Variants in CEP128 observed in about 807,000 individuals in gnomAD.
CEP128 encodes the protein centrosomal protein 128kDa.
In CEP128, 132 loss-of-function variants were observed where a neutral mutation model predicts 156.7. That is an observed-to-expected ratio of 0.84 (90% CI 0.73 to 0.97). The LOEUF is 0.97. CEP128 is among the 50% of genes least tolerant of loss of function. CEP128 has a pLI of 0.00. For synonymous variants in CEP128, 469 were observed against 448.9 expected, an observed-to-expected ratio of 1.04 and a Z score of -0.57; for missense variants, 1,252 against 1,281.9, an observed-to-expected ratio of 0.98 and a Z score of 0.36.
At position 80,907,532 on chromosome 14, in the gene CEP128, C is replaced by T. The variant is rs1332074200; in HGVS notation, c.235-1451G>A. ...AATTAGCCGGGCATGATGGCTGGTG[C>T]CTGTAATCCCAACTACTCGGGAGGC... On this transcript the variant is annotated intron_variant, in intron 4 of 24. Coordinates refer to ENST00000555265, the MANE Select transcript of CEP128 (RefSeq NM_152446.5). 2.0e-5 allele frequency among the ~76,000 whole-genome samples: 3 copies of T among 151,966 alleles called. No individual in the cohort carries two copies. In the South Asian group the frequency reaches 6.2e-4, roughly 32 times the overall value.
chr14:80,742,993 C>T (rs1374546266), intron 19 of CEP128, 82 bp downstream of exon 19: 2 of 1,221,606 alleles, frequency 1.6e-6, no homozygotes, highest in African/African-American at 3.0e-5. Flanking sequence ...GGGGATGCAA[C>T]AGAAGTAGGT....
intron 14 of CEP128, among the ~76,000 whole-genome samples, chr14:80,789,691 A>G (rs1166006261): frequency 6.6e-6 from 1 of 152,178 alleles, no homozygotes; most frequent in African/African-American, 2.4e-5. Flanking sequence ...AAGATTACTG[A>G]AAGAAGGCCT....
At chr14:80,578,029 C>G (rs1891430897) in intron 20 of CEP128, among the ~76,000 whole-genome samples, 1 of 152,190 alleles carries the variant, frequency 6.6e-6, no homozygotes, top group South Asian at 2.1e-4. Flanking sequence ...CTCAATCGTA[C>G]TTAATTCCCT....
chr14:80,747,575 G>A (rs1014365705), intron 18 of CEP128, among the ~76,000 whole-genome samples: 15 of 152,196 alleles, frequency 9.9e-5, no homozygotes, highest in African/African-American at 3.1e-4. Context: ...TTGGGAGGCC[G>A]AGGTGGGCGG....
At chr14:80,499,470 T>C (rs72689020) in intron 24 of CEP128, among the ~76,000 whole-genome samples, 8,662 of 152,320 alleles carry the variant, frequency 0.057, 309 homozygotes, top group Non-Finnish European at 0.083. Context: ...ATCTGTAAGA[T>C]TCACTTTCAA....
chr14:80,671,325 G>A (rs1895831523), intron 19 of CEP128, among the ~76,000 whole-genome samples: 1 of 152,178 alleles, frequency 6.6e-6, no homozygotes, highest in African/African-American at 2.4e-5. Flanking sequence ...AAGGCTGACA[G>A]GTTACCTCTT....
chr14:80,486,967 C>T (rs1887179833), downstream of CEP128, among the ~76,000 whole-genome samples: 1 of 152,148 alleles, frequency 6.6e-6, no homozygotes, highest in Non-Finnish European at 1.5e-5. Flanking sequence ...ACTGCATCAA[C>T]TAACGAGCAA....
intron 19 of CEP128, among the ~76,000 whole-genome samples, chr14:80,602,176 A>T (rs1465669317): frequency 1.3e-5 from 2 of 152,216 alleles, no homozygotes; most frequent in African/African-American, 4.8e-5. Context: ...ATAACAACAG[A>T]GTCTCAAAAC....
downstream of CEP128, among the ~76,000 whole-genome samples, chr14:80,486,240 G>A (rs1306780264): frequency 2.6e-5 from 4 of 152,230 alleles, no homozygotes; most frequent in African/African-American, 7.2e-5. Context: ...CTCAGGAGCC[G>A]ATGTGATCAA....
At chr14:80,951,821 C>A (rs1034783038) in intron 2 of CEP128, among the ~76,000 whole-genome samples, 1 of 151,702 alleles carries the variant, frequency 6.6e-6, no homozygotes, top group Admixed American at 6.6e-5. Flanking sequence ...ACCATGATAA[C>A]GCTGATCAAA....
rs1893998185 is a variant in CEP128, at chr14:80,632,399, G to A, written c.2807-51976C>T. Reference sequence around the variant, plus strand: ...TTATATAATATACTCTGTATATACTGCATATAGTATATATGTTATATAATA... The same window carrying A: ...TTATATAATATACTCTGTATATACTACATATAGTATATATGTTATATAATA... On this transcript the variant is annotated intron_variant, in intron 19 of 24. Transcript: ENST00000555265. 1.4e-4 allele frequency among the ~76,000 whole-genome samples: 21 copies of A among 148,190 alleles called. No homozygotes were observed. In the South Asian group the frequency reaches 4.4e-3, roughly 31 times the overall value.
chr14:80,502,532 C>T (rs983903378), intron 24 of CEP128, among the ~76,000 whole-genome samples: 2 of 151,846 alleles, frequency 1.3e-5, no homozygotes, highest in Admixed American at 1.3e-4. Flanking sequence ...TTTTCTTCTC[C>T]TTTCTTTGTG....
chr14:80,748,525 C>G (rs1899221198), intron 18 of CEP128, among the ~76,000 whole-genome samples: 1 of 152,092 alleles, frequency 6.6e-6, no homozygotes, highest in Non-Finnish European at 1.5e-5. Context: ...GAGGTTGTTA[C>G]AGTACTCCAA....
At chr14:80,816,929 T>C (rs1884893424) in intron 13 of CEP128, among the ~76,000 whole-genome samples, 1 of 150,734 alleles carries the variant, frequency 6.6e-6, no homozygotes, top group African/African-American at 2.4e-5. Context: ...TAAGTTAGAC[T>C]ATGGCACAAT....
chr14:80,644,625 T>C (rs544919372), intron 19 of CEP128, among the ~76,000 whole-genome samples: 2 of 152,330 alleles, frequency 1.3e-5, no homozygotes, highest in Admixed American at 6.5e-5. Flanking sequence ...ATAACCATCA[T>C]TAATATTAGG....
At chr14:80,799,053 A>C (rs1883666659) in intron 13 of CEP128, among the ~76,000 whole-genome samples, 1 of 152,248 alleles carries the variant, frequency 6.6e-6, no homozygotes, top group African/African-American at 2.4e-5. Context: ...CTCAAAAGTC[A>C]CATCTCTAGG....
At chr14:80,602,524 C>T (rs1213955497) in intron 19 of CEP128, among the ~76,000 whole-genome samples, 1 of 151,890 alleles carries the variant, frequency 6.6e-6, no homozygotes, top group Non-Finnish European at 1.5e-5. Flanking sequence ...GTAATCCCAG[C>T]ACTTTGGGAG....
chr14:80,795,116 A>T (rs1309681703), intron 13 of CEP128, among the ~76,000 whole-genome samples: 1 of 152,036 alleles, frequency 6.6e-6, no homozygotes, highest in Non-Finnish European at 1.5e-5. Context: ...GGACCTGGAT[A>T]GTCTGCTTCT....
intron 23 of CEP128, among the ~76,000 whole-genome samples, chr14:80,509,300 C>A (rs563904065): frequency 2.0e-5 from 3 of 152,292 alleles, no homozygotes; most frequent in African/African-American, 7.2e-5. Context: ...CACATCCTTG[C>A]TAGCATTTGT....
Sources: gnomAD v4.1 joint callset for allele counts (sites outside exome capture counted in the v4.1 genomes callset) on GRCh38, gnomAD v4.1.1 for gene constraint, MANE v1.5 for transcripts, NCBI Gene and HGNC (gene_info 2026-07-23, HGNC 2026-07-21) for gene names.